The following NWD2 variants were observed in gnomAD, a reference collection of about 807,000 sequenced individuals.
The protein encoded by NWD2 is NACHT and WD repeat domain containing 2.
In NWD2, 37 loss-of-function variants were observed where a neutral mutation model predicts 132.7. The observed-to-expected ratio is 0.28, with a 90% CI of 0.21 to 0.37. The LOEUF is 0.37. Ranked by LOEUF, NWD2 falls within the 10% of genes least tolerant of loss-of-function variation. NWD2 has a pLI of 1.00. For missense variants in NWD2, 1,592 were observed against 2,122.4 expected, an observed-to-expected ratio of 0.75 and a Z score of 4.91; for synonymous variants, 705 against 803.0, an observed-to-expected ratio of 0.88 and a Z score of 2.06.
At chr4:37,270,626 T>C (rs1391094849) in intron 1 of NWD2, among the ~76,000 whole-genome samples, 2 of 151,954 alleles carry the variant, frequency 1.3e-5, no homozygotes, top group Non-Finnish European at 2.9e-5. Flanking sequence ...ATTTGTCTTT[T>C]TTTATTGATT....
At chr4:37,414,307 T>A (rs1721221412) in intron 3 of NWD2, among the ~76,000 whole-genome samples, 2 of 152,082 alleles carry the variant, frequency 1.3e-5, no homozygotes, top group Non-Finnish European at 2.9e-5. Context: ...TCTGGGGGCT[T>A]GTTATGCTAT....
chr4:37,273,135 T>C (rs1379639476), intron 1 of NWD2, among the ~76,000 whole-genome samples: 1 of 151,876 alleles, frequency 6.6e-6, no homozygotes, highest in Non-Finnish European at 1.5e-5. Context: ...TTTGCTGTTA[T>C]TGTTTTGTGG....
At chr4:37,311,963 G>A (rs1718852560) in intron 1 of NWD2, among the ~76,000 whole-genome samples, 1 of 151,346 alleles carries the variant, frequency 6.6e-6, no homozygotes, top group African/African-American at 2.5e-5. Flanking sequence ...ATTTCTGAGG[G>A]CTCTGCTCTG....
At chr4:37,355,874 C>T (rs1207749874) in intron 2 of NWD2, among the ~76,000 whole-genome samples, 1 of 151,646 alleles carries the variant, frequency 6.6e-6, no homozygotes, top group Admixed American at 6.6e-5. Context: ...TATCTCTCCT[C>T]ATATGATAGA....
At chr4:37,266,855 T>C (rs13129949) in intron 1 of NWD2, among the ~76,000 whole-genome samples, 16,820 of 152,060 alleles carry the variant, frequency 0.11, 1,060 homozygotes, top group Middle Eastern at 0.15. Context: ...ATACTCATAG[T>C]AAAAGTACAG....
chr4:37,328,010 T>C (rs549686791), intron 2 of NWD2, among the ~76,000 whole-genome samples: 2 of 152,224 alleles, frequency 1.3e-5, no homozygotes, highest in African/African-American at 4.8e-5. Context: ...ACCTCCTGGA[T>C]TCTACTCATT....
chr4:37,245,127 G>A lies in NWD2; in HGVS notation c.60G>A (p.Arg20=), dbSNP rs2109252359. 6.5e-7 allele frequency: 1 copy of A among 1,547,978 alleles called. No individual in the cohort carries two copies. Among genetic ancestry groups the A allele is most frequent in the South Asian group, 1.2e-5 (1 of 83,998 alleles). Residue 20 remains arginine, a synonymous_variant, in exon 1 of 7, where the codon CGG becomes CGA. Transcript: ENST00000309447. ...LPCPRDSALR[R]AAFSGNLTAL... is the part of the protein sequence containing the mutation. Reference sequence around the variant, plus strand: ...GTCCCCGAGACTCTGCGCTCCGGCGGGCGGCTTTCTCTGGGAACCTCACGG... The same window carrying A: ...GTCCCCGAGACTCTGCGCTCCGGCGAGCGGCTTTCTCTGGGAACCTCACGG...
Position 37,245,520 on chromosome 4 carries a change from G to A in NWD2, c.151+302G>A, listed in dbSNP as rs183805756. Among the ~76,000 whole-genome samples the A allele has an allele frequency of 4.4e-3, 662 of 149,714 alleles. 7 individuals are homozygous for A. The highest frequency in any genetic ancestry group is 0.015 in the African/African-American group (616 of 40,808). On this transcript the variant is annotated intron_variant, in intron 1 of 6. Transcript: ENST00000309447. ...CTTCTGGAAGCTCCATTCTGCCGCC[G>A]CCGCCACCACCACCTCCTGTCCCCC...
At chr4:37,411,719 G>A (rs576284071) in intron 3 of NWD2, among the ~76,000 whole-genome samples, 3 of 152,174 alleles carry the variant, frequency 2.0e-5, no homozygotes, top group Non-Finnish European at 2.9e-5. Flanking sequence ...GATGAACATC[G>A]ATGCAAAAAT....
chr4:37,284,194 C>T (rs773325879), intron 1 of NWD2, among the ~76,000 whole-genome samples: 23 of 152,150 alleles, frequency 1.5e-4, no homozygotes, highest in Non-Finnish European at 2.6e-4. Context: ...GGTGAGAGCT[C>T]GCTTTCTGGT....
At position 37,412,168 on chromosome 4, in the gene NWD2, T is replaced by G. The variant is rs967853625; in HGVS notation, c.358-18404T>G. On this transcript the variant is annotated intron_variant, in intron 3 of 6. Transcript: ENST00000309447. ...GGCAAGAGAAAGAAATAAAGGGAAT[T>G]CGAATAGGAACAGAGGAAGTCAAAT... Among the ~76,000 whole-genome samples, 7 of 152,260 alleles carry G rather than the reference T, an allele frequency of 4.6e-5. No individual in the cohort carries two copies. In the South Asian group the frequency reaches 1.5e-3, roughly 32 times the overall value.
At chr4:37,429,185 C>A (rs1712101508) in intron 3 of NWD2, among the ~76,000 whole-genome samples, 1 of 152,048 alleles carries the variant, frequency 6.6e-6, no homozygotes, top group Non-Finnish European at 1.5e-5. Flanking sequence ...CCCTTAATAA[C>A]CTTGCTTTGT....
intron 1 of NWD2, among the ~76,000 whole-genome samples, chr4:37,259,669 C>G (rs1717589785): frequency 6.6e-6 from 1 of 152,162 alleles, no homozygotes; most frequent in Non-Finnish European, 1.5e-5. Context: ...TTGACAGGGC[C>G]TCACCTAGAG....
intron 1 of NWD2, among the ~76,000 whole-genome samples, chr4:37,261,176 T>A (rs6817985): frequency 0.29 from 43,864 of 152,070 alleles, 7,228 homozygotes; most frequent in Non-Finnish European, 0.37. Flanking sequence ...TTTCTCCTTA[T>A]CTAGGAGATG....
At chr4:37,371,861 CTT>C (rs1720234997) in intron 3 of NWD2, among the ~76,000 whole-genome samples, 1 of 152,100 alleles carries the variant, frequency 6.6e-6, no homozygotes, top group Non-Finnish European at 1.5e-5. Context: ...CAATGGCAAA[CTT>C]TTTATATTTT....
chr4:37,413,441 G>A (rs1721202387), intron 3 of NWD2, among the ~76,000 whole-genome samples: 1 of 152,218 alleles, frequency 6.6e-6, no homozygotes, highest in Admixed American at 6.5e-5. Flanking sequence ...ACACCAGTTA[G>A]AATGGTGATC....
chr4:37,430,217 A>G (rs891575280), intron 3 of NWD2, among the ~76,000 whole-genome samples: 7 of 152,192 alleles, frequency 4.6e-5, no homozygotes, highest in African/African-American at 1.4e-4. Context: ...CATGTTTGAC[A>G]TTTTTAAGGT....
intron 1 of NWD2, among the ~76,000 whole-genome samples, chr4:37,253,021 G>A (rs1717413592): frequency 1.3e-5 from 2 of 148,242 alleles, no homozygotes; most frequent in Non-Finnish European, 3.0e-5. Flanking sequence ...CTTATGTTTT[G>A]CAGTTTCTTT....
rs1259318195 is a variant in NWD2 at position 37,444,595 on chromosome 4, G to A, written c.2607G>A (p.Gln869=). ...TTTATACCATGATCAAAATTGGCCA[G>A]TTTGACAAAGTGCTTTCAGACATTG... ...SWLYTMIKIG[Q]FDKVLSDIEL... is the part of the protein sequence containing the mutation. Residue 869 remains glutamine (Q), a synonymous_variant, in exon 7 of 7, where the codon CAG becomes CAA. Coordinates refer to ENST00000309447, the MANE Select transcript of NWD2 (RefSeq NM_001144990.2). The surrounding 1 kb of genome is among the most constrained non-coding windows in gnomAD (Gnocchi z 4.8). 4 of 1,552,020 alleles carry A rather than the reference G, an allele frequency of 2.6e-6. No individual in the cohort carries two copies. Among genetic ancestry groups the A allele is most frequent in the South Asian group, 2.4e-5 (2 of 84,044 alleles).
Sources: allele counts gnomAD v4.1 joint callset (sites outside exome capture counted in the v4.1 genomes callset), GRCh38; gene constraint gnomAD v4.1.1; non-coding constraint Gnocchi (gnomAD v3.1); transcripts MANE v1.5; gene names NCBI Gene and HGNC (gene_info 2026-07-23, HGNC 2026-07-21).